HPSE2: variants seen among roughly 807,000 people sequenced by gnomAD.
HPSE2 encodes heparanase 2 (inactive).
Under a neutral mutation model 60.5 loss-of-function variants are expected in HPSE2, and 38 were observed. The observed-to-expected ratio is 0.63, with a 90% CI of 0.48 to 0.82. The LOEUF is 0.82. Ranked by LOEUF, HPSE2 falls within the 40% of genes least tolerant of loss-of-function variation. The pLI, the probability that HPSE2 is intolerant of heterozygous loss-of-function variation, is 0.00. For synonymous variants in HPSE2, 295 were observed against 293.2 expected (o/e 1.01, Z -0.06); for missense variants, 713 against 740.4 (o/e 0.96, Z 0.43).
chr10:98,560,563 C>T lies in HPSE2; in HGVS notation c.1320+54341G>A, dbSNP rs528335446. On this transcript the variant is annotated intron_variant, in intron 9 of 11. Transcript: ENST00000370552. The stretch of plus-strand genomic sequence containing the variant: ...CCACCTTTCTCTTTGCCACTCAGGC[C>T]TTTTTTTCTTCACCGAGTGTATTTT... 6.6e-5 allele frequency among the ~76,000 whole-genome samples: 10 copies of T among 152,294 alleles called. No homozygotes were observed. In the South Asian group the frequency reaches 2.1e-3, roughly 32 times the overall value.
the HPSE2 span, among the ~76,000 whole-genome samples, chr10:99,295,646 T>C: frequency 6.6e-6 from 1 of 152,200 alleles, no homozygotes; most frequent in Non-Finnish European, 1.5e-5. Context: ...GATGAGAGAA[T>C]AGATCTCAAC....
upstream of HPSE2, among the ~76,000 whole-genome samples, chr10:99,237,669 A>C (rs1325506739): frequency 1.3e-5 from 2 of 152,236 alleles, no homozygotes. Flanking sequence ...TGTTGGCTCC[A>C]GCCCTAAGGC....
At chr10:98,788,869 G>A (rs1325660823) in intron 3 of HPSE2, among the ~76,000 whole-genome samples, 2 of 151,668 alleles carry the variant, frequency 1.3e-5, no homozygotes, top group African/African-American at 4.8e-5. Context: ...AGGTGAACCC[G>A]GTACCTCAGA....
At chr10:99,141,190 CCT>C (rs1263786342) in intron 3 of HPSE2, among the ~76,000 whole-genome samples, 30 of 152,212 alleles carry the variant, frequency 2.0e-4, no homozygotes, top group African/African-American at 7.0e-4. Context: ...CCCAATTCTC[CCT>C]CTCATTAGCC....
chr10:98,482,690 T>C lies in HPSE2; in HGVS notation c.1559A>G (p.Lys520Arg). Reference protein sequence around the residue: ...KIKLAGTLRDKLVHQYLLQPY... With the variant: ...KIKLAGTLRDRLVHQYLLQPY... ...CTGCAGCAGGTACTGGTGAACCAGC[T>C]TGTCTCTGAGAGTCCCAGCCAGCTT... Residue 520 changes from lysine to arginine, a missense_variant, in exon 11 of 12, where the codon AAG becomes AGG. Coordinates refer to ENST00000370552, the MANE Select transcript of HPSE2 (RefSeq NM_021828.5). 2 of 1,614,202 alleles carry C rather than the reference T, an allele frequency of 1.2e-6. No homozygotes were observed. The highest frequency in any genetic ancestry group is 1.3e-5 in the African/African-American group (1 of 75,058).
intron 9 of HPSE2, among the ~76,000 whole-genome samples, chr10:98,590,050 T>C (rs11189699): frequency 0.07 from 10,616 of 152,308 alleles, 454 homozygotes; most frequent in East Asian, 0.19. Flanking sequence ...CCAAGTTCCC[T>C]GATCACTACT....
chr10:98,938,437 AG>A (rs1385803056), intron 3 of HPSE2, among the ~76,000 whole-genome samples: 2 of 144,662 alleles, frequency 1.4e-5, no homozygotes, highest in East Asian at 3.9e-4. Flanking sequence ...AACTACGTGA[AG>A]AATGCAGAAG....
chr10:98,630,390 T>C (rs58664129), intron 7 of HPSE2, among the ~76,000 whole-genome samples: 2 of 151,804 alleles, frequency 1.3e-5, no homozygotes, highest in Non-Finnish European at 2.9e-5. Context: ...GTAGAGACGG[T>C]GTTTCACCAT....
chr10:98,845,023 G>T (rs1952002575), intron 3 of HPSE2, among the ~76,000 whole-genome samples: 1 of 152,182 alleles, frequency 6.6e-6, no homozygotes, highest in African/African-American at 2.4e-5. Context: ...CCTGGCTGAA[G>T]ACATTGCCAA....
intron 3 of HPSE2, among the ~76,000 whole-genome samples, chr10:98,871,960 A>C (rs1266656889): frequency 2.6e-5 from 4 of 152,200 alleles, no homozygotes; most frequent in Non-Finnish European, 4.4e-5. Flanking sequence ...ATTTTGGCCC[A>C]AAAATGAAAA....
chr10:98,982,457 C>T (rs889583947), intron 3 of HPSE2, among the ~76,000 whole-genome samples: 37 of 152,252 alleles, frequency 2.4e-4, no homozygotes, highest in Non-Finnish European at 4.7e-4. Flanking sequence ...ATTCCTATCT[C>T]GCTCAGTTTT....
chr10:98,712,020 A>G (rs1211929728), intron 5 of HPSE2, among the ~76,000 whole-genome samples: 2 of 152,060 alleles, frequency 1.3e-5, no homozygotes, highest in Non-Finnish European at 2.9e-5. Context: ...CAGCACCTAT[A>G]AGGGGAGAGC....
At chr10:98,747,009 T>G (rs1447296711) in intron 3 of HPSE2, among the ~76,000 whole-genome samples, 1 of 152,054 alleles carries the variant, frequency 6.6e-6, no homozygotes, top group Non-Finnish European at 1.5e-5. Context: ...TAATATACTA[T>G]GAGCTTTAGA....
intron 3 of HPSE2, among the ~76,000 whole-genome samples, chr10:98,816,033 G>A (rs142696883): frequency 1.5e-5 from 2 of 136,388 alleles, no homozygotes; most frequent in African/African-American, 2.7e-5. Context: ...GTTGTGGGGT[G>A]GGGGGGAGGG....
At chr10:99,033,202 A>C (rs1012879665) in intron 3 of HPSE2, among the ~76,000 whole-genome samples, 5 of 152,226 alleles carry the variant, frequency 3.3e-5, no homozygotes, top group African/African-American at 1.2e-4. Flanking sequence ...AAAAAGGTCT[A>C]GAAAGATATG....
At chr10:99,293,809 C>T in the HPSE2 span, among the ~76,000 whole-genome samples, 4 of 152,156 alleles carry the variant, frequency 2.6e-5, no homozygotes, top group Admixed American at 2.0e-4. Context: ...TTACAAGAGA[C>T]AGAAAATAGA....
intron 3 of HPSE2, among the ~76,000 whole-genome samples, chr10:99,053,264 C>T (rs986523343): frequency 6.6e-6 from 1 of 151,890 alleles, no homozygotes; most frequent in Non-Finnish European, 1.5e-5. Context: ...TATGCCGTTG[C>T]AAAACTTTTC....
chr10:98,570,285 C>G (rs504600), intron 9 of HPSE2, among the ~76,000 whole-genome samples: 129,527 of 152,176 alleles, frequency 0.85, 56,345 homozygotes, highest in East Asian at 1. Flanking sequence ...TGCCCTTCCT[C>G]CTGCTATCTG....
At chr10:98,486,187 G>T (rs1941433678) in intron 10 of HPSE2, among the ~76,000 whole-genome samples, 1 of 152,090 alleles carries the variant, frequency 6.6e-6, no homozygotes, top group Non-Finnish European at 1.5e-5. Context: ...ACACATTCTT[G>T]GCTGGCGAGT....
Sources: allele counts gnomAD v4.1 joint callset (sites outside exome capture counted in the v4.1 genomes callset), GRCh38; gene constraint gnomAD v4.1.1; transcripts MANE v1.5; gene names NCBI Gene and HGNC (gene_info 2026-07-23, HGNC 2026-07-21).